Variants in LAMA5 observed in about 807,000 individuals in gnomAD.
LAMA5 encodes the protein laminin subunit alpha-5.
A neutral mutation model predicts 433.4 loss-of-function variants in LAMA5; 260 were observed. The observed-to-expected ratio is 0.60, with a 90% CI of 0.54 to 0.66. The LOEUF is 0.66. Among genes scored for constraint, LAMA5 ranks in the 30% least tolerant of loss-of-function variants. The probability of loss-of-function intolerance (pLI) is 0.00; values close to 1 mark genes in which losing one functional copy is unlikely to be tolerated. For missense variants in LAMA5, 5,378 were observed against 5,258.5 expected (o/e 1.02, Z -0.70); for synonymous variants, 2,620 against 2,226.6 (o/e 1.18, Z -4.97).
Position 62,318,778 on chromosome 20 carries a change from T to TC in LAMA5, c.7042+64dup, listed in dbSNP as rs1004461167. ...CACCTGATGCCACTCCATGCTGACCTCCCCCTTGGAGCTCCCAGGTCCCTG... is the reference window on the plus strand; with the variant it reads ...CACCTGATGCCACTCCATGCTGACCTCCCCCCTTGGAGCTCCCAGGTCCCTG... On this transcript the variant is annotated intron_variant, in intron 52 of 79. Coordinates refer to ENST00000252999, the MANE Select transcript of LAMA5 (RefSeq NM_005560.6). 22 of 1,581,184 alleles carry TC rather than the reference T, an allele frequency of 1.4e-5. No homozygotes were observed. The East Asian group carries it at 2.0e-4, about 15-fold the overall frequency.
chr20:62,313,608 G>A (rs866148103), intron 63 of LAMA5, 41 bp downstream of exon 63: 1 of 1,607,586 alleles, frequency 6.2e-7, no homozygotes, highest in Non-Finnish European at 8.5e-7. Context: ...ACTCGGGGCT[G>A]CGGAGCCCCT....
intron 21 of LAMA5, 70 bp from the exon 22 acceptor site, chr20:62,334,412 C>G: frequency 2.0e-6 from 3 of 1,517,674 alleles, no homozygotes; most frequent in Non-Finnish European, 2.7e-6. Context: ...GGCCCCGGGT[C>G]TCCAGGGAGG....
chr20:62,354,595 G>C (rs1393149378), intron 2 of LAMA5, among the ~76,000 whole-genome samples: 2 of 152,154 alleles, frequency 1.3e-5, no homozygotes, highest in Admixed American at 1.3e-4. Flanking sequence ...ACAGCCCATG[G>C]CCTCAATGGC....
At position 62,353,107 on chromosome 20, in the gene LAMA5, C is replaced by G. The variant is rs370145013; in HGVS notation, c.568+27G>C. On this transcript the variant is annotated intron_variant, in intron 3 of 79. Coordinates refer to ENST00000252999, the MANE Select transcript of LAMA5 (RefSeq NM_005560.6). ...CCCAGGGACCCCCCTGCCTCTCCCC[C>G]CAGGCCCCACGGCGGCAGAGACTCA... is the stretch of plus-strand genomic sequence containing the variant. 8.3e-5 allele frequency: 127 copies of G among 1,521,784 alleles called. 1 individual carries two copies. In the African/African-American group the frequency reaches 1.1e-3, roughly 13 times the overall value. 94.3% of individuals were successfully genotyped at this position (1,521,784 alleles called of 1,614,324 possible).
rs866486763 is a variant in LAMA5, at chr20:62,343,309, A to G, written c.1477+2509T>C. Among the ~76,000 whole-genome samples, 8 of 152,322 alleles carry G rather than the reference A, an allele frequency of 5.3e-5. No homozygotes were observed. The South Asian group carries it at 1.0e-3, about 20-fold the overall frequency. ...AAAAACCATCACAGAACCAGCAGAC[A>G]AGAGAATTCCTGGGTAAGGGAGGAG... is the stretch of plus-strand genomic sequence containing the variant. On this transcript the variant is annotated intron_variant, in intron 11 of 79. Coordinates refer to ENST00000252999, the MANE Select transcript of LAMA5 (RefSeq NM_005560.6).
intron 62 of LAMA5, 92 bp downstream of exon 62, chr20:62,314,212 A>G (rs1294857320): frequency 2.1e-5 from 30 of 1,451,894 alleles, no homozygotes; most frequent in Admixed American, 1.5e-4. Context: ...GGAGAGGTGA[A>G]GGGTGGTGGG....
chr20:62,312,360 G>T, intron 68 of LAMA5, 40 bp downstream of exon 68: 1 of 1,601,622 alleles, frequency 6.2e-7, no homozygotes, highest in Non-Finnish European at 8.5e-7. Context: ...GCCCCTGCAT[G>T]TCCACAGATG....
At chr20:62,343,545 G>A (rs1050738433) in intron 11 of LAMA5, among the ~76,000 whole-genome samples, 1 of 152,180 alleles carries the variant, frequency 6.6e-6, no homozygotes, top group Non-Finnish European at 1.5e-5. Context: ...GGAGGCTGAG[G>A]CGGGCAGATC....
intron 25 of LAMA5, 36 bp downstream of exon 25, chr20:62,333,338 GC>G: frequency 1.9e-6 from 3 of 1,603,518 alleles, no homozygotes; most frequent in Non-Finnish European, 2.6e-6. Flanking sequence ...GGTCCAGGAA[GC>G]CCCCACCCCG....
In LAMA5 at chr20:62,318,960, C is replaced by T; in HGVS notation, c.6925G>A (p.Gly2309Ser). Reference sequence around the variant, plus strand: ...GCCAGTGTCCGGAGCAGCTGCTCACCTGATGGAGCCGAGGCATTGGCCAGC... The same window carrying T: ...GCCAGTGTCCGGAGCAGCTGCTCACTTGATGGAGCCGAGGCATTGGCCAGC... ...LGLANASAPSGEQLLRTLAEV... is the reference protein window; with the variant it reads ...LGLANASAPSSEQLLRTLAEV... Residue 2309 changes from glycine (G) to serine (S), a missense_variant, in exon 52 of 80, where the codon GGT (glycine) becomes AGT (serine). Physicochemically the swap from Gly to Ser is moderately conservative, Grantham distance 56 (BLOSUM62 0). Coordinates refer to ENST00000252999, the MANE Select transcript of LAMA5 (RefSeq NM_005560.6). The T allele has an allele frequency of 1.9e-6, 3 of 1,595,538 alleles. No individual in the cohort carries two copies. The highest frequency in any genetic ancestry group is 1.7e-6 in the Non-Finnish European group (2 of 1,173,386).
chr20:62,338,681 C>CCCT (rs1982108648), intron 11 of LAMA5, 73 bp from the exon 12 acceptor site: 4 of 1,411,200 alleles, frequency 2.8e-6, no homozygotes, highest in Non-Finnish European at 3.8e-6. Flanking sequence ...GGCAAACCTT[C>CCCT]CCTCTCCACA....
Position 62,324,188 on chromosome 20 carries a change from G to C in LAMA5, c.5660C>G (p.Thr1887Ser), listed in dbSNP as rs1369906270. The C allele has an allele frequency of 6.3e-7, 1 of 1,576,626 alleles. No individual in the cohort carries two copies. Among genetic ancestry groups the C allele is most frequent in the South Asian group, 1.2e-5 (1 of 85,020 alleles). ...GCAGCGCTCACAGTGGGCCCCTTCGGTGTTGTGCTGGCAGTCCTGGGGCAG... is the reference window on the plus strand; with the variant it reads ...GCAGCGCTCACAGTGGGCCCCTTCGCTGTTGTGCTGGCAGTCCTGGGGCAG... ...SGVCVDCQHN[T>S]EGAHCERCQA... Residue 1887 changes from threonine to serine, a missense_variant, in exon 43 of 80, where the codon ACC (threonine) becomes AGC (serine). Coordinates refer to ENST00000252999, the MANE Select transcript of LAMA5 (RefSeq NM_005560.6). The surrounding 1 kb of genome is among the most constrained non-coding windows in gnomAD (Gnocchi z 4.4).
intron 66 of LAMA5, 41 bp from the exon 67 acceptor site, chr20:62,312,821 G>A (rs755763407): frequency 3.1e-6 from 5 of 1,601,356 alleles, no homozygotes; most frequent in Non-Finnish European, 4.2e-6. Flanking sequence ...CTGTGTCCCT[G>A]CGGCCTGCCC....
chr20:62,323,659 C>T lies in LAMA5; in HGVS notation c.5861G>A (p.Gly1954Glu). The T allele has an allele frequency of 6.2e-7, 1 of 1,608,468 alleles. No individual in the cohort carries two copies. The change falls in exon 45 of 80, where the codon GGA becomes GAA. Residue 1954 changes from glycine to glutamate, a missense_variant. By Grantham distance (98) the Gly-to-Glu change is moderately conservative (BLOSUM62 -2). Coordinates refer to ENST00000252999, the MANE Select transcript of LAMA5 (RefSeq NM_005560.6). ...CAGCACCAGTGGGTTCCCAAAGAAT[C>T]CGGGCGCACACCTGGGAGCAGGGTG... ...AGASCERCAP[G>E]FFGNPLVLGS...
rs766110392 is a variant in LAMA5, at chr20:62,325,301, C to G, written c.5529+15G>C. 1.3e-6 allele frequency: 2 copies of G among 1,534,480 alleles called. No homozygotes were observed. Among genetic ancestry groups the G allele is most frequent in the East Asian group, 4.6e-5 (2 of 43,710 alleles). On this transcript the variant is annotated intron_variant, in intron 41 of 79. Coordinates refer to ENST00000252999, the MANE Select transcript of LAMA5 (RefSeq NM_005560.6). ...AGGTGAGCCGCCTCGCAGTCTGGTG[C>G]TGTCCTAACCTCACCTGGCATGAGT...
At position 62,328,786 on chromosome 20, in the gene LAMA5, A is replaced by G. The variant is rs530723302; in HGVS notation, c.4447+58T>C. 6 of 1,532,186 alleles carry G rather than the reference A, an allele frequency of 3.9e-6. No individual in the cohort carries two copies. In the South Asian group the frequency reaches 5.7e-5, roughly 15 times the overall value. 94.9% of individuals were successfully genotyped at this position (1,532,186 alleles called of 1,614,324 possible). On this transcript the variant is annotated intron_variant, in intron 34 of 79. Coordinates refer to ENST00000252999, the MANE Select transcript of LAMA5 (RefSeq NM_005560.6). ...ACCCTGCTTTCTGGTCGACCCGTCC[A>G]CCTTGGGCTCTGGCACCAACTCCCT...
Position 62,337,603 on chromosome 20 carries a change from G to C in LAMA5, c.2151C>G (p.Phe717Leu). 8 of 1,608,992 alleles carry C rather than the reference G, an allele frequency of 5.0e-6. No individual in the cohort carries two copies. The highest frequency in any genetic ancestry group is 5.9e-6 in the Non-Finnish European group (7 of 1,178,388). Residue 717 changes from phenylalanine (F) to leucine (L), a missense_variant, in exon 16 of 80, where the codon TTC (phenylalanine) becomes TTG (leucine). By Grantham distance (22) the Phe-to-Leu change is conservative (BLOSUM62 0). Coordinates refer to ENST00000252999, the MANE Select transcript of LAMA5 (RefSeq NM_005560.6). ...CTGCCTGCTCACCTTCGCAGTAGGG[G>C]AAGTTGTAGGCACCGGGCACACATG... ...CDTCVPGAYN[F>L]PYCEAGSCHP... is the part of the protein sequence containing the mutation.
At chr20:62,318,361 G>C in intron 53 of LAMA5, 93 bp downstream of exon 53, 1 of 681,198 alleles carries the variant, frequency 1.5e-6, no homozygotes, top group South Asian at 1.8e-5. Flanking sequence ...AGGGGAGGAC[G>C]AGGGGAGGGG....
intron 46 of LAMA5, 80 bp downstream of exon 46, chr20:62,322,578 C>T (rs1978459533): frequency 2.1e-6 from 3 of 1,422,686 alleles, no homozygotes; most frequent in East Asian, 5.0e-5. Flanking sequence ...CCCCTCAGCC[C>T]CACCTATCAG....
Sources: allele counts gnomAD v4.1 joint callset (sites outside exome capture counted in the v4.1 genomes callset), GRCh38; gene constraint gnomAD v4.1.1; non-coding constraint Gnocchi (gnomAD v3.1); transcripts MANE v1.5; gene names NCBI Gene and HGNC (gene_info 2026-07-23, HGNC 2026-07-21).